FOXJ3: variants seen among roughly 807,000 people sequenced by gnomAD.
FOXJ3 encodes the protein forkhead box J3.
FOXJ3 carries 22 observed loss-of-function variants against 76.1 expected under a neutral mutation model. The observed-to-expected ratio is 0.29, with a 90% CI of 0.21 to 0.41. The LOEUF (loss-of-function observed/expected upper bound fraction) is 0.41, where lower values mean the gene tolerates loss of function less well. Among genes scored for constraint, FOXJ3 ranks in the 10% least tolerant of loss-of-function variants. The pLI is 1.00. For synonymous variants in FOXJ3, 269 were observed against 261.2 expected, an observed-to-expected ratio of 1.03 and a Z score of -0.29; for missense variants, 613 against 762.1, an observed-to-expected ratio of 0.80 and a Z score of 2.30.
intron 6 of FOXJ3, 40 bp from the exon 7 acceptor site, chr1:42,199,270 T>C (rs756039759): frequency 6.4e-7 from 1 of 1,564,700 alleles, no homozygotes; most frequent in South Asian, 1.1e-5. Context: ...AATATAAGGG[T>C]ACTTCTTAAG....
chr1:42,317,045 TTTTA>T (rs1361045740), intron 1 of FOXJ3, among the ~76,000 whole-genome samples: 2 of 152,166 alleles, frequency 1.3e-5, no homozygotes, highest in Non-Finnish European at 2.9e-5. Context: ...AAAATTCATT[TTTTA>T]TTTATTTTAT....
chr1:42,257,612 G>T (rs1295777561), intron 4 of FOXJ3, among the ~76,000 whole-genome samples: 1 of 151,872 alleles, frequency 6.6e-6, no homozygotes, highest in Non-Finnish European at 1.5e-5. Context: ...GGTGGCACAC[G>T]CTTGTAATCC....
intron 3 of FOXJ3, among the ~76,000 whole-genome samples, chr1:42,271,777 T>C (rs1488275103): frequency 6.6e-6 from 1 of 152,042 alleles, no homozygotes; most frequent in East Asian, 1.9e-4. Context: ...GCCTCTCAAG[T>C]AGCTGGGACC....
intron 1 of FOXJ3, among the ~76,000 whole-genome samples, chr1:42,327,787 T>G (rs1382246244): frequency 6.6e-6 from 1 of 152,204 alleles, no homozygotes; most frequent in Admixed American, 6.5e-5. Context: ...TCTTATTTCC[T>G]TAGTAAACAC....
chr1:42,245,409 C>T (rs72952370), intron 4 of FOXJ3, among the ~76,000 whole-genome samples: 1,690 of 152,180 alleles, frequency 0.011, 39 homozygotes, highest in African/African-American at 0.039. Context: ...TTCACAGACA[C>T]AAATATCCTC....
intron 4 of FOXJ3, among the ~76,000 whole-genome samples, chr1:42,263,930 CTTTTTTTT>C (rs61375062): frequency 3.2e-4 from 23 of 71,456 alleles, no homozygotes; most frequent in East Asian, 2.1e-3. Flanking sequence ...AGTAGGTTAA[CTTTTTTTT>C]TTTTTTTTTT....
intron 11 of FOXJ3, among the ~76,000 whole-genome samples, chr1:42,187,579 G>A (rs1465086840): frequency 6.6e-6 from 1 of 152,100 alleles, no homozygotes; most frequent in Admixed American, 6.5e-5. Context: ...AAAAGAAATG[G>A]AAGAAGGGCA....
At chr1:42,293,359 A>C (rs1653569677) in intron 2 of FOXJ3, among the ~76,000 whole-genome samples, 2 of 152,156 alleles carry the variant, frequency 1.3e-5, no homozygotes. Context: ...CCCAGTTTTA[A>C]AATGTACAAA....
chr1:42,181,920 C>A lies in FOXJ3; in HGVS notation c.1750G>T (p.Ala584Ser). The change falls in exon 12 of 13, where the codon GCA (alanine) becomes TCA (serine). Residue 584 changes from alanine (A) to serine (S), a missense_variant. By Grantham distance (99) the Ala-to-Ser change is moderately conservative (BLOSUM62 1). This residue lies in a region of FOXJ3 where 526 missense variants were observed against 601.4 expected (regional missense o/e 0.87). Transcript: ENST00000361346. ...TCACTCTCTCTCTCTCTCTTACCTG[C>A]CATCGTTGTTCCTGGAGTGCTGAGT... ...QALSTPGTTM[A>S]GHHRAMNQQH... 2 of 1,594,308 alleles carry A rather than the reference C, an allele frequency of 1.3e-6. No homozygotes were observed. The highest frequency in any genetic ancestry group is 1.7e-6 in the Non-Finnish European group (2 of 1,163,190).
chr1:42,259,088 T>C (rs983474137), intron 4 of FOXJ3, among the ~76,000 whole-genome samples: 6 of 152,204 alleles, frequency 3.9e-5, no homozygotes, highest in Non-Finnish European at 8.8e-5. Flanking sequence ...ACTGCTGATA[T>C]GCACAACGAC....
At chr1:42,293,218 T>C (rs1163269444) in intron 2 of FOXJ3, among the ~76,000 whole-genome samples, 1 of 152,186 alleles carries the variant, frequency 6.6e-6, no homozygotes, top group Admixed American at 6.5e-5. Flanking sequence ...ATTTCTCAGC[T>C]TGAACAATGA....
At position 42,191,320 on chromosome 1, in the gene FOXJ3, T is replaced by C. The variant is rs1393745256; in HGVS notation, c.1334A>G (p.Gln445Arg). The change falls in exon 9 of 13, where the codon CAG becomes CGG. Residue 445 changes from glutamine to arginine, a missense_variant. Physicochemically the swap from Gln to Arg is conservative, Grantham distance 43. This residue lies in a region of FOXJ3 where 526 missense variants were observed against 601.4 expected (regional missense o/e 0.87). Coordinates refer to ENST00000361346, the MANE Select transcript of FOXJ3 (RefSeq NM_014947.5). ...LTHQAPPPPQ[Q>R]VSCNSGVSND... ...AAACTTACCAGAATTACAGGATACC[T>C]GTTGTGGGGGTGGGGGTGCCTGATG... 17 of 1,545,078 alleles carry C rather than the reference T, an allele frequency of 1.1e-5. No homozygotes were observed. Among genetic ancestry groups the C allele is most frequent in the South Asian group, 2.5e-5 (2 of 80,776 alleles).
chr1:42,188,320 C>T (rs116692637), intron 11 of FOXJ3, among the ~76,000 whole-genome samples: 111 of 152,312 alleles, frequency 7.3e-4, no homozygotes, highest in African/African-American at 2.6e-3. Flanking sequence ...GTCTACTCTT[C>T]AAACACTTCG....
At chr1:42,235,161 T>C (rs1648501380) in intron 4 of FOXJ3, among the ~76,000 whole-genome samples, 1 of 152,310 alleles carries the variant, frequency 6.6e-6, no homozygotes, top group African/African-American at 2.4e-5. Flanking sequence ...ACTGCTGTGC[T>C]AGCAATGAGC....
chr1:42,208,806 T>C (rs7516048), intron 5 of FOXJ3, among the ~76,000 whole-genome samples: 351 of 152,344 alleles, frequency 2.3e-3, no homozygotes, highest in African/African-American at 7.8e-3. Context: ...TTAATGTACT[T>C]AACCTACTGA....
At chr1:42,300,255 T>C (rs1388116980) in intron 2 of FOXJ3, among the ~76,000 whole-genome samples, 3 of 152,184 alleles carry the variant, frequency 2.0e-5, no homozygotes, top group South Asian at 2.1e-4. Flanking sequence ...TGTCACAGTA[T>C]TGTTAGCTGC....
intron 5 of FOXJ3, among the ~76,000 whole-genome samples, chr1:42,214,543 C>T (rs1397222690): frequency 6.6e-6 from 1 of 152,138 alleles, no homozygotes; most frequent in East Asian, 1.9e-4. Flanking sequence ...CCCTATAGAC[C>T]AACCTTCTGC....
intron 2 of FOXJ3, among the ~76,000 whole-genome samples, chr1:42,307,336 G>C (rs555317739): frequency 2.6e-5 from 4 of 152,116 alleles, no homozygotes; most frequent in Admixed American, 6.5e-5. Context: ...ATCATGCAGC[G>C]GCTTCTCAGA....
At chr1:42,320,739 C>T (rs1655385257) in intron 1 of FOXJ3, among the ~76,000 whole-genome samples, 1 of 152,152 alleles carries the variant, frequency 6.6e-6, no homozygotes, top group Non-Finnish European at 1.5e-5. Flanking sequence ...AGCTAATCTA[C>T]TGCAAAAATG....
Sources: allele counts gnomAD v4.1 joint callset (sites outside exome capture counted in the v4.1 genomes callset), GRCh38; gene constraint gnomAD v4.1.1; regional missense constraint gnomAD v4.1.1; transcripts MANE v1.5; gene names NCBI Gene and HGNC (gene_info 2026-07-23, HGNC 2026-07-21).